The following CADM2 variants were observed in gnomAD, a reference collection of about 807,000 sequenced individuals.
CADM2 encodes immunoglobulin superfamily member 4D.
A neutral mutation model predicts 49.8 loss-of-function variants in CADM2; 12 were observed. The ratio of observed to expected loss-of-function variants is 0.24; its 90% CI spans 0.15 to 0.39. The LOEUF (loss-of-function observed/expected upper bound fraction) is 0.39, where lower values mean the gene tolerates loss of function less well. CADM2 is among the 10% of genes least tolerant of loss of function. CADM2 has a pLI of 1.00. For missense variants in CADM2, 378 were observed against 492.3 expected, an observed-to-expected ratio of 0.77 and a Z score of 2.20; for synonymous variants, 214 against 175.4, an observed-to-expected ratio of 1.22 and a Z score of -1.74.
intron 3 of CADM2, among the ~76,000 whole-genome samples, chr3:85,863,292 CAAA>C (rs377531472): frequency 6.6e-5 from 10 of 152,164 alleles, no homozygotes; most frequent in African/African-American, 2.4e-4. Flanking sequence ...ATGTCCCCTC[CAAA>C]ATCATGTGGT....
At position 85,109,663 on chromosome 3, in the gene CADM2, C is replaced by T. The variant is rs12633050; in HGVS notation, c.61+149995C>T. Among the ~76,000 whole-genome samples, 887 of 151,976 alleles carry T rather than the reference C, an allele frequency of 5.8e-3. 17 individuals carry two copies. The highest frequency in any genetic ancestry group is 0.029 in the East Asian group (150 of 5,178). ...GGATGGTATCACATTAGGCTCCAAA[C>T]CTTTTTAATTTCTAAAAATCAAGAG... On this transcript the variant is annotated intron_variant, in intron 1 of 9. Coordinates refer to ENST00000383699, the MANE Select transcript of CADM2 (RefSeq NM_001167675.2).
intron 1 of CADM2, among the ~76,000 whole-genome samples, chr3:85,698,796 C>G (rs1210117297): frequency 6.6e-6 from 1 of 152,118 alleles, no homozygotes; most frequent in Non-Finnish European, 1.5e-5. Context: ...TTCCTAGCCC[C>G]TCCTGGTCCC....
intron 2 of CADM2, among the ~76,000 whole-genome samples, chr3:85,787,486 G>A (rs546113442): frequency 2.8e-4 from 43 of 151,944 alleles, no homozygotes; most frequent in Non-Finnish European, 6.0e-4. Flanking sequence ...TTGGACAAGG[G>A]GTATTGGTTC....
At chr3:85,309,823 AC>A (rs925595916) in intron 1 of CADM2, among the ~76,000 whole-genome samples, 3 of 152,058 alleles carry the variant, frequency 2.0e-5, no homozygotes, top group African/African-American at 4.8e-5. Flanking sequence ...ATATTACTTT[AC>A]CCCCGTTTTA....
In CADM2 at chr3:85,595,309, T is replaced by G. The variant is rs115656183; in HGVS notation, c.62-131213T>G. On this transcript the variant is annotated intron_variant, in intron 1 of 9. Coordinates refer to ENST00000383699, the MANE Select transcript of CADM2 (RefSeq NM_001167675.2). ...TTATTTAGTACAGTAGAATATCCAC[T>G]GGCCTACATTGTCCACTGAAAATCA... Among the ~76,000 whole-genome samples the G allele has an allele frequency of 7.6e-3, 1,158 of 152,140 alleles. 12 individuals are homozygous for G. Among genetic ancestry groups the G allele is most frequent in the African/African-American group, 0.025 (1,041 of 41,550 alleles).
In CADM2 at chr3:86,014,908, C is replaced by T. The variant is rs200080156; in HGVS notation, c.971-50697C>T. On this transcript the variant is annotated intron_variant, in intron 8 of 9. Coordinates refer to ENST00000383699, the MANE Select transcript of CADM2 (RefSeq NM_001167675.2). ...GTCCTGTGTATTCTTCCTGTGATGA[C>T]GGTTGAGAATGAGTGGTATGAAAAT... 8.5e-4 allele frequency: 1,295 copies of T among 1,524,130 alleles called. 2 individuals carry two copies. The Middle Eastern group carries it at 0.011, about 13-fold the overall frequency. The allele number at this position is 1,524,130 out of a possible 1,614,324, so 94.4% of individuals were successfully genotyped here.
chr3:85,327,979 G>C (rs1455079545), intron 1 of CADM2, among the ~76,000 whole-genome samples: 1 of 152,140 alleles, frequency 6.6e-6, no homozygotes, highest in East Asian at 1.9e-4. Flanking sequence ...AAATGTCTTT[G>C]AAGCTTGGTA....
In CADM2 at chr3:85,435,862, G is replaced by A. The variant is rs965545202; in HGVS notation, c.62-290660G>A. 2.6e-5 allele frequency among the ~76,000 whole-genome samples: 4 copies of A among 151,942 alleles called. 1 individual carries two copies. Among genetic ancestry groups the A allele is most frequent in the African/African-American group, 9.7e-5 (4 of 41,360 alleles). On this transcript the variant is annotated intron_variant, in intron 1 of 9. Transcript: ENST00000383699. ...TTCTCTTTTTCACCCACTTTTTGAT[G>A]GGGTCGTTTGTTTTTTTTCTTGTAA... is the stretch of plus-strand genomic sequence containing the variant.
At chr3:85,868,672 C>T (rs7621146) in intron 3 of CADM2, among the ~76,000 whole-genome samples, 106,996 of 152,028 alleles carry the variant, frequency 0.7, 39,232 homozygotes, top group African/African-American at 0.92. Flanking sequence ...CTTTTAGCCA[C>T]AGAAATTATG....
intron 1 of CADM2, among the ~76,000 whole-genome samples, chr3:85,317,203 C>T (rs1363558489): frequency 1.3e-5 from 2 of 152,044 alleles, no homozygotes; most frequent in Non-Finnish European, 2.9e-5. Context: ...ATCAAAACAA[C>T]ATTAAGCATG....
At chr3:84,964,671 C>T (rs138110102) in intron 1 of CADM2, among the ~76,000 whole-genome samples, 163 of 152,278 alleles carry the variant, frequency 1.1e-3, no homozygotes, top group African/African-American at 3.4e-3. Context: ...GTCTGATTTA[C>T]TCTCTTAAAA....
At chr3:85,943,846 A>G (rs950882107) in intron 7 of CADM2, among the ~76,000 whole-genome samples, 5 of 152,078 alleles carry the variant, frequency 3.3e-5, no homozygotes, top group Non-Finnish European at 7.4e-5. Context: ...CATTGATGCT[A>G]AGTAGAAACT....
intron 1 of CADM2, among the ~76,000 whole-genome samples, chr3:85,190,906 A>G (rs1191650510): frequency 1.3e-5 from 2 of 152,156 alleles, no homozygotes; most frequent in Non-Finnish European, 2.9e-5. Flanking sequence ...AGTACATGTA[A>G]AATCCCTAGT....
intron 8 of CADM2, among the ~76,000 whole-genome samples, chr3:85,990,677 T>C (rs1264514398): frequency 6.6e-6 from 1 of 152,186 alleles, no homozygotes; most frequent in Non-Finnish European, 1.5e-5. Flanking sequence ...TTATAATAAT[T>C]ATTCACAATT....
chr3:85,131,886 TA>T lies in CADM2; in HGVS notation c.61+172230del, dbSNP rs10640149. Reference sequence around the variant, plus strand: ...TATTAATATTAACAATGTGGCTGTATAAAAAAAAAAAACAGGTCAGTAGAGA... The same window carrying T: ...TATTAATATTAACAATGTGGCTGTATAAAAAAAAAAACAGGTCAGTAGAGA... On this transcript the variant is annotated intron_variant, in intron 1 of 9. Transcript: ENST00000383699. Among the ~76,000 whole-genome samples, 702 of 143,092 alleles carry T rather than the reference TA, an allele frequency of 4.9e-3. 2 individuals carry two copies. The highest frequency in any genetic ancestry group is 6.2e-3 in the Non-Finnish European group (400 of 64,770). The allele number at this position is 143,092 out of a possible 152,430, so 93.9% of individuals were successfully genotyped here.
intron 1 of CADM2, among the ~76,000 whole-genome samples, chr3:85,367,505 T>C (rs1407734869): frequency 6.6e-6 from 1 of 151,710 alleles, no homozygotes; most frequent in African/African-American, 2.4e-5. Flanking sequence ...GTGGTGACCA[T>C]GTGTATTTCC....
intron 2 of CADM2, among the ~76,000 whole-genome samples, chr3:85,773,036 T>A (rs2070176710): frequency 6.6e-6 from 1 of 152,052 alleles, no homozygotes; most frequent in African/African-American, 2.4e-5. Flanking sequence ...CATAATTGAT[T>A]AAGCAGCTGA....
chr3:85,131,756 A>G (rs558238899), intron 1 of CADM2, among the ~76,000 whole-genome samples: 1 of 152,256 alleles, frequency 6.6e-6, no homozygotes. Flanking sequence ...CAAATTTATT[A>G]TTTGGCAAAT....
intron 3 of CADM2, among the ~76,000 whole-genome samples, chr3:85,834,901 T>C (rs557601913): frequency 1.6e-4 from 25 of 151,780 alleles, no homozygotes; most frequent in African/African-American, 6.0e-4. Flanking sequence ...TCAGAACTCA[T>C]AAATGACACA....
Sources: allele counts gnomAD v4.1 joint callset (sites outside exome capture counted in the v4.1 genomes callset), GRCh38; gene constraint gnomAD v4.1.1; transcripts MANE v1.5; gene names NCBI Gene and HGNC (gene_info 2026-07-23, HGNC 2026-07-21).